EPHA3: variants seen among roughly 807,000 people sequenced by gnomAD.
The protein encoded by EPHA3 is EPH receptor A3.
EPHA3 carries 42 observed loss-of-function variants against 107.1 expected under a neutral mutation model. The observed-to-expected ratio is 0.39, with a 90% CI of 0.31 to 0.51. EPHA3 has a LOEUF of 0.51. Among genes scored for constraint, EPHA3 ranks in the 20% least tolerant of loss-of-function variants. EPHA3 has a pLI of 0.78. For missense variants in EPHA3, 1,183 were observed against 1,211.2 expected (o/e 0.98, Z 0.35); for synonymous variants, 461 against 424.8 (o/e 1.09, Z -1.05).
intron 2 of EPHA3, among the ~76,000 whole-genome samples, chr3:89,144,022 C>T (rs1704485448): frequency 6.6e-6 from 1 of 151,564 alleles, no homozygotes; most frequent in South Asian, 2.1e-4. Flanking sequence ...CCATAATTAA[C>T]ATCTTGCATT....
At chr3:89,187,706 G>A (rs1255475194) in intron 2 of EPHA3, among the ~76,000 whole-genome samples, 2 of 152,086 alleles carry the variant, frequency 1.3e-5, no homozygotes, top group Non-Finnish European at 2.9e-5. Flanking sequence ...ATGTGCGAGA[G>A]TGTGTGTATG....
intron 3 of EPHA3, among the ~76,000 whole-genome samples, chr3:89,250,855 T>G (rs915265495): frequency 6.6e-6 from 1 of 152,282 alleles, no homozygotes; most frequent in Admixed American, 6.5e-5. Context: ...TAGGTAAAAT[T>G]TATTTCCCCT....
chr3:89,469,725 T>C (rs1053503743), intron 15 of EPHA3, among the ~76,000 whole-genome samples: 1 of 152,236 alleles, frequency 6.6e-6, no homozygotes, highest in Admixed American at 6.5e-5. Flanking sequence ...TAAAACATTA[T>C]ACAGTTTTAT....
Position 89,369,456 on chromosome 3 carries a change from G to A in EPHA3, c.1307-26381G>A, listed in dbSNP as rs1708249948. Among the ~76,000 whole-genome samples, 2 of 150,590 alleles carry A rather than the reference G, an allele frequency of 1.3e-5. 1 individual carries two copies. Among genetic ancestry groups the A allele is most frequent in the Non-Finnish European group, 3.0e-5 (2 of 67,452 alleles). On this transcript the variant is annotated intron_variant, in intron 5 of 16. Transcript: ENST00000336596. ...AAAACTGGCTAGCCATATGTAGAAA[G>A]CTGAAACTGGATCCCTTCCTTACAC...
intron 3 of EPHA3, among the ~76,000 whole-genome samples, chr3:89,211,294 T>G (rs931866286): frequency 4.6e-5 from 7 of 152,254 alleles, no homozygotes; most frequent in Admixed American, 3.9e-4. Flanking sequence ...TTATATAAAA[T>G]TATGTATATC....
chr3:89,446,218 A>C (rs1007383007), intron 13 of EPHA3, among the ~76,000 whole-genome samples: 4 of 152,204 alleles, frequency 2.6e-5, no homozygotes, highest in Non-Finnish European at 5.9e-5. Flanking sequence ...ATTTCATTAG[A>C]GAACATACTG....
At chr3:89,341,606 A>G in intron 4 of EPHA3, 149 bp from the exon 5 acceptor site, 1 of 677,818 alleles carries the variant, frequency 1.5e-6, no homozygotes, top group Non-Finnish European at 2.4e-6. Context: ...TGTGTCTATA[A>G]TATCATGGAT....
intron 10 of EPHA3, among the ~76,000 whole-genome samples, chr3:89,414,183 G>T (rs1429361178): frequency 6.6e-6 from 1 of 151,556 alleles, no homozygotes; most frequent in East Asian, 1.9e-4. Flanking sequence ...TACATGTAAT[G>T]CTTTGTTTCT....
At chr3:89,433,275 T>A (rs536165248) in intron 13 of EPHA3, among the ~76,000 whole-genome samples, 32 of 151,946 alleles carry the variant, frequency 2.1e-4, no homozygotes, top group Non-Finnish European at 3.8e-4. Context: ...CTGTTTCTTA[T>A]TATCTAATTT....
chr3:89,299,104 A>G (rs1435553151), intron 3 of EPHA3, among the ~76,000 whole-genome samples: 2 of 152,114 alleles, frequency 1.3e-5, no homozygotes, highest in African/African-American at 4.8e-5. Flanking sequence ...GATTTTAGAA[A>G]CTTTAAGTTT....
chr3:89,367,703 T>C (rs1708210728), intron 5 of EPHA3, among the ~76,000 whole-genome samples: 1 of 150,794 alleles, frequency 6.6e-6, no homozygotes, highest in African/African-American at 2.4e-5. Flanking sequence ...CTTCCTATTC[T>C]CCAGGATATT....
At chr3:89,363,844 A>G (rs1207294626) in intron 5 of EPHA3, among the ~76,000 whole-genome samples, 1 of 150,804 alleles carries the variant, frequency 6.6e-6, no homozygotes, top group East Asian at 1.9e-4. Context: ...ATGGATCTTC[A>G]TTCTTCCTTG....
intron 2 of EPHA3, among the ~76,000 whole-genome samples, chr3:89,209,137 A>G (rs1468105615): frequency 6.6e-6 from 1 of 152,226 alleles, no homozygotes; most frequent in African/African-American, 2.4e-5. Context: ...CTTAACTGCT[A>G]TAACAACAAA....
intron 3 of EPHA3, among the ~76,000 whole-genome samples, chr3:89,278,325 T>C (rs1705859243): frequency 6.6e-6 from 1 of 152,192 alleles, no homozygotes; most frequent in East Asian, 1.9e-4. Flanking sequence ...GTCTCTGCCC[T>C]GTAGGTGGCT....
At chr3:89,447,665 A>G (rs1709902843) in intron 13 of EPHA3, among the ~76,000 whole-genome samples, 1 of 152,144 alleles carries the variant, frequency 6.6e-6, no homozygotes, top group Non-Finnish European at 1.5e-5. Context: ...GATTTATGCC[A>G]TTTGCTCAGA....
chr3:89,385,155 A>C (rs1180068492), intron 5 of EPHA3, among the ~76,000 whole-genome samples: 1 of 152,200 alleles, frequency 6.6e-6, no homozygotes, highest in African/African-American at 2.4e-5. Flanking sequence ...TATGAAAAAA[A>C]ATTATTTGCT....
At position 89,255,270 on chromosome 3, in the gene EPHA3, T is replaced by C. The variant is rs139063076; in HGVS notation, c.814+44750T>C. Among the ~76,000 whole-genome samples the C allele has an allele frequency of 5.1e-3, 780 of 152,302 alleles. 7 individuals are homozygous for C. The highest frequency in any genetic ancestry group is 0.018 in the African/African-American group (737 of 41,574). ...ATTTCATTGTCAGCAATAGACCTTT[T>C]TTTAACATTTGGGATTCTGATATTC... is the stretch of plus-strand genomic sequence containing the variant. On this transcript the variant is annotated intron_variant, in intron 3 of 16. Coordinates refer to ENST00000336596, the MANE Select transcript of EPHA3 (RefSeq NM_005233.6).
chr3:89,248,168 C>T (rs186641986), intron 3 of EPHA3, among the ~76,000 whole-genome samples: 2 of 152,238 alleles, frequency 1.3e-5, no homozygotes, highest in East Asian at 1.9e-4. Flanking sequence ...CTACTGCCTG[C>T]ACTTTTTCAC....
chr3:89,113,274 CAA>C (rs1011526486), intron 1 of EPHA3, among the ~76,000 whole-genome samples: 43 of 151,952 alleles, frequency 2.8e-4, no homozygotes, highest in African/African-American at 8.0e-4. Context: ...TTATAAAATG[CAA>C]AGTCTTCCAA....
Sources: allele counts gnomAD v4.1 joint callset (sites outside exome capture counted in the v4.1 genomes callset), GRCh38; gene constraint gnomAD v4.1.1; transcripts MANE v1.5; gene names NCBI Gene and HGNC (gene_info 2026-07-23, HGNC 2026-07-21).